DIP2C: variants seen among roughly 807,000 people sequenced by gnomAD.
DIP2C encodes disco-interacting protein 2 homolog C.
In DIP2C, 33 loss-of-function variants were observed where a neutral mutation model predicts 192.4. The ratio of observed to expected loss-of-function variants is 0.17; its 90% CI spans 0.13 to 0.23. The LOEUF is 0.23. DIP2C is among the 10% of genes least tolerant of loss of function. DIP2C has a pLI of 1.00. For missense variants in DIP2C, 1,537 were observed against 2,110.1 expected (o/e 0.73, Z 5.32); for synonymous variants, 979 against 864.1 (o/e 1.13, Z -2.33).
chr10:472,359 C>T, intron 3 of DIP2C, 80 bp downstream of exon 3: 2 of 1,364,300 alleles, frequency 1.5e-6, no homozygotes, highest in Non-Finnish European at 2.1e-6. Context: ...GCACTTCTGC[C>T]TCGCCCAGTG....
intron 36 of DIP2C, among the ~76,000 whole-genome samples, chr10:278,257 C>G (rs147060246): frequency 2.0e-5 from 3 of 151,768 alleles, no homozygotes; most frequent in Admixed American, 6.6e-5. Context: ...GCCGTGCGTG[C>G]GGAGGCCAAG....
intron 36 of DIP2C, among the ~76,000 whole-genome samples, chr10:278,430 GCCTGTGCC>G: frequency 6.6e-6 from 1 of 152,182 alleles, no homozygotes. Flanking sequence ...CTCCTGGCGT[GCCTGTGCC>G]ATTGCAAGGA....
At chr10:461,326 T>C (rs373732703) in intron 3 of DIP2C, among the ~76,000 whole-genome samples, 6 of 152,150 alleles carry the variant, frequency 3.9e-5, no homozygotes, top group East Asian at 3.8e-4. Context: ...AAGACACACA[T>C]AGGCTCAAAA....
At chr10:529,018 C>T (rs1464177387) in intron 1 of DIP2C, among the ~76,000 whole-genome samples, 1 of 152,220 alleles carries the variant, frequency 6.6e-6, no homozygotes, top group Non-Finnish European at 1.5e-5. Flanking sequence ...GTGCCAGAAC[C>T]CCTCCCAGTG....
chr10:469,801 G>A (rs867316167), intron 3 of DIP2C, among the ~76,000 whole-genome samples: 5 of 152,086 alleles, frequency 3.3e-5, no homozygotes, highest in African/African-American at 1.2e-4. Context: ...CCAAATTCCC[G>A]AGCGTGATGC....
At chr10:609,776 A>C (rs1279889740) in intron 1 of DIP2C, among the ~76,000 whole-genome samples, 2 of 152,142 alleles carry the variant, frequency 1.3e-5, no homozygotes, top group Non-Finnish European at 2.9e-5. Context: ...GTTAAAAAGA[A>C]CCTAACTGCA....
chr10:459,367 C>T (rs994618623), intron 3 of DIP2C, among the ~76,000 whole-genome samples: 8 of 35,578 alleles, frequency 2.2e-4, no homozygotes, highest in Non-Finnish European at 1.9e-3. Flanking sequence ...AGCTTGCTGT[C>T]CCAGAGGACA....
In DIP2C at chr10:414,519, A is replaced by G. The variant is rs376053854; in HGVS notation, c.860-409T>C. Among the ~76,000 whole-genome samples the G allele has an allele frequency of 5.3e-5, 8 of 152,120 alleles. No individual in the cohort carries two copies. The East Asian group carries it at 1.4e-3, about 26-fold the overall frequency. Reference sequence around the variant, plus strand: ...TTGTCCTGAAAGATTAATGATAAATATATTTTCTGAGGCAGGGTCTCTCTC... The same window carrying G: ...TTGTCCTGAAAGATTAATGATAAATGTATTTTCTGAGGCAGGGTCTCTCTC... On this transcript the variant is annotated intron_variant, in intron 7 of 36. Coordinates refer to ENST00000280886, the MANE Select transcript of DIP2C (RefSeq NM_014974.3).
chr10:386,535 G>A (rs1382433365), intron 14 of DIP2C, among the ~76,000 whole-genome samples: 1 of 152,142 alleles, frequency 6.6e-6, no homozygotes, highest in Non-Finnish European at 1.5e-5. Flanking sequence ...AGCACACAGT[G>A]GTGCTGGGAA....
At chr10:475,487 C>G (rs944021547) in intron 2 of DIP2C, among the ~76,000 whole-genome samples, 5 of 152,136 alleles carry the variant, frequency 3.3e-5, no homozygotes, top group Admixed American at 6.5e-5. Flanking sequence ...ACCTCCAACC[C>G]TAACCTCCTC....
intron 29 of DIP2C, among the ~76,000 whole-genome samples, chr10:332,928 A>T (rs1957568240): frequency 1.3e-5 from 2 of 152,190 alleles, no homozygotes; most frequent in South Asian, 4.1e-4. Context: ...GTTGAGACAG[A>T]GTCTCACTCC....
chr10:305,993 A>ATATATATATATATATATATATATGTATG (rs958069491), intron 32 of DIP2C, among the ~76,000 whole-genome samples: 2 of 142,700 alleles, frequency 1.4e-5, no homozygotes, highest in African/African-American at 5.2e-5. Context: ...ATATATATAT[A>ATATATATATATATATATATATATGTATG]TTATATTTTT....
At chr10:630,213 T>C (rs1008333370) in intron 1 of DIP2C, 1 of 152,252 alleles carries the variant, frequency 6.6e-6, no homozygotes, top group Non-Finnish European at 1.5e-5. Flanking sequence ...TAGTTGTTTT[T>C]CTTTTCTGGT....
At chr10:521,029 A>G (rs1034895073) in intron 1 of DIP2C, among the ~76,000 whole-genome samples, 2 of 152,282 alleles carry the variant, frequency 1.3e-5, no homozygotes, top group African/African-American at 4.8e-5. Context: ...AGTAGGTATT[A>G]CAAAAATCAA....
At chr10:493,258 G>C (rs367913873) in intron 1 of DIP2C, among the ~76,000 whole-genome samples, 1 of 152,174 alleles carries the variant, frequency 6.6e-6, no homozygotes, top group Non-Finnish European at 1.5e-5. Context: ...AGTGTGTCCT[G>C]GGAGTTAGAA....
intron 1 of DIP2C, among the ~76,000 whole-genome samples, chr10:605,127 C>T (rs1007207727): frequency 1.3e-5 from 2 of 152,218 alleles, no homozygotes; most frequent in Admixed American, 6.5e-5. Context: ...TGCCGCGATG[C>T]CGTGAGCGCA....
intron 1 of DIP2C, among the ~76,000 whole-genome samples, chr10:680,258 T>C (rs1831082785): frequency 6.6e-6 from 1 of 151,966 alleles, no homozygotes; most frequent in Admixed American, 6.6e-5. Context: ...AATAGATGTT[T>C]GTGCTTTACC....
At chr10:292,502 G>A (rs529351142) in intron 32 of DIP2C, among the ~76,000 whole-genome samples, 1 of 152,340 alleles carries the variant, frequency 6.6e-6, no homozygotes, top group Non-Finnish European at 1.5e-5. Context: ...CTTGCTACTA[G>A]CCTCTAACTT....
rs143970498 is a variant in DIP2C, at chr10:400,925, G to A, written c.1150-1706C>T. ...GTTTGGTACATTTTCATCAGTACAT[G>A]AATCCTATGATTTTACACGTGTGGC... On this transcript the variant is annotated intron_variant, in intron 9 of 36. Coordinates refer to ENST00000280886, the MANE Select transcript of DIP2C (RefSeq NM_014974.3). 1.5e-3 allele frequency among the ~76,000 whole-genome samples: 222 copies of A among 150,036 alleles called. 5 individuals carry two copies. The highest frequency in any genetic ancestry group is 5.2e-3 in the African/African-American group (208 of 40,312).
Sources: gnomAD v4.1 joint callset for allele counts (sites outside exome capture counted in the v4.1 genomes callset) on GRCh38, gnomAD v4.1.1 for gene constraint, MANE v1.5 for transcripts, NCBI Gene and HGNC (gene_info 2026-07-23, HGNC 2026-07-21) for gene names.